ADGRV1: variants seen among roughly 807,000 people sequenced by gnomAD.
ADGRV1 encodes G-protein coupled receptor 98.
In ADGRV1, 359 loss-of-function variants were observed where a neutral mutation model predicts 596.2. The observed-to-expected ratio is 0.60, with a 90% confidence interval of 0.55 to 0.66. ADGRV1 has a LOEUF of 0.66. Among genes scored for constraint, ADGRV1 ranks in the 30% least tolerant of loss-of-function variants. The pLI is 0.00. For synonymous variants in ADGRV1, 2,681 were observed against 2,679.2 expected (o/e 1.00, Z -0.02); for missense variants, 7,274 against 7,575.6 (o/e 0.96, Z 1.48).
chr5:91,161,482 T>C (rs1257162433), intron 89 of ADGRV1, among the ~76,000 whole-genome samples: 2 of 150,266 alleles, frequency 1.3e-5, no homozygotes, highest in African/African-American at 4.9e-5. Flanking sequence ...CAATGTTGCC[T>C]GATCTTCTGG....
chr5:90,768,716 C>A (rs1479912636), intron 59 of ADGRV1, among the ~76,000 whole-genome samples: 2 of 152,184 alleles, frequency 1.3e-5, no homozygotes, highest in East Asian at 3.9e-4. Flanking sequence ...AAGCTCCATA[C>A]TTTGTTTATA....
chr5:91,099,593 A>G (rs1430293388), intron 86 of ADGRV1, among the ~76,000 whole-genome samples: 1 of 152,140 alleles, frequency 6.6e-6, no homozygotes, highest in East Asian at 1.9e-4. Context: ...AGTGGATCGA[A>G]TCAGTAGATA....
chr5:90,653,679 G>T lies in ADGRV1; in HGVS notation c.4105G>T (p.Gly1369Ter), dbSNP rs1364423688. 3 of 1,613,186 alleles carry T rather than the reference G, an allele frequency of 1.9e-6. No homozygotes were observed. Among genetic ancestry groups the T allele is most frequent in the Non-Finnish European group, 2.5e-6 (3 of 1,179,644 alleles). Residue 1369 changes from glycine (G) to a stop codon, truncating the protein, a stop_gained, in exon 20 of 90, where the codon GGA becomes TGA. Coordinates refer to ENST00000405460, the MANE Select transcript of ADGRV1 (RefSeq NM_032119.4). LOFTEE classifies it high-confidence loss of function. The part of the protein sequence containing the change: ...AWVMPNANTN[G>*]FIIAKDDGNG... ...GGTAATGCCCAATGCCAATACGAAT[G>T]GATTCATTATAGCGAAGGATGACGG...
chr5:90,985,499 C>G lies in ADGRV1; in HGVS notation c.18129C>G (p.Ile6043Met). ...KGIYHQSMSQ[I>M]YGLIHGDLCF... The stretch of plus-strand genomic sequence containing the variant: ...TCTATCATCAGAGCATGTCACAGAT[C>G]TATGGACTCATTCATGGTGACCTGT... The change falls in exon 85 of 90, where the codon ATC becomes ATG. Residue 6043 changes from isoleucine (I) to methionine (M), a missense_variant. Physicochemically the swap from Ile to Met is conservative, Grantham distance 10. Transcript: ENST00000405460. 6.2e-7 allele frequency: 1 copy of G among 1,613,742 alleles called. No homozygotes were observed. Among genetic ancestry groups the G allele is most frequent in the Non-Finnish European group, 8.5e-7 (1 of 1,179,690 alleles).
chr5:90,594,057 C>A (rs938292428), intron 1 of ADGRV1, among the ~76,000 whole-genome samples: 2 of 152,028 alleles, frequency 1.3e-5, no homozygotes, highest in East Asian at 3.9e-4. Flanking sequence ...CTGTGTAATA[C>A]GATTTCTTCT....
chr5:90,845,983 C>A (rs1765843555), intron 78 of ADGRV1, among the ~76,000 whole-genome samples: 1 of 152,170 alleles, frequency 6.6e-6, no homozygotes, highest in Admixed American at 6.5e-5. Flanking sequence ...GTGGGTTATT[C>A]TCCACTCTGC....
chr5:91,150,082 C>A lies in ADGRV1; in HGVS notation c.18485C>A (p.Pro6162His), dbSNP rs762127570. Residue 6162 changes from proline to histidine, a missense_variant, in exon 88 of 90, where the codon CCT becomes CAT. Pro to His is a moderately conservative substitution (Grantham distance 77, BLOSUM62 -2). Around this residue, in one of 5 missense-constraint regions of ADGRV1, gnomAD observed 1,874 missense variants for 1,970.2 expected, o/e 0.95. Transcript: ENST00000405460. Reference sequence around the variant, plus strand: ...ATTTTACACAACCAAATGTGTTGCCCTATGAAGGCCAGTTACACTGTGGAA... The same window carrying A: ...ATTTTACACAACCAAATGTGTTGCCATATGAAGGCCAGTTACACTGTGGAA... ...YFILHNQMCC[P>H]MKASYTVEMN... 5 of 1,557,262 alleles carry A rather than the reference C, an allele frequency of 3.2e-6. No homozygotes were observed. The highest frequency in any genetic ancestry group is 3.5e-6 in the Non-Finnish European group (4 of 1,150,816).
intron 83 of ADGRV1, among the ~76,000 whole-genome samples, chr5:90,933,357 G>A (rs1024647830): frequency 2.6e-5 from 4 of 152,176 alleles, no homozygotes; most frequent in Non-Finnish European, 4.4e-5. Context: ...AAATGTATCT[G>A]AGAAGATACT....
chr5:91,091,281 C>T (rs577838693), intron 86 of ADGRV1, among the ~76,000 whole-genome samples: 2 of 152,128 alleles, frequency 1.3e-5, no homozygotes, highest in Non-Finnish European at 2.9e-5. Context: ...TCCTGCAGCC[C>T]AAAAGCAATT....
At chr5:90,735,977 G>A (rs752043941) in intron 50 of ADGRV1, among the ~76,000 whole-genome samples, 3 of 151,914 alleles carry the variant, frequency 2.0e-5, no homozygotes, top group Non-Finnish European at 4.4e-5. Flanking sequence ...TCTTTCTCTC[G>A]CTTAATTGCT....
At chr5:90,615,688 AAAGAG>A (rs1365485338) in intron 2 of ADGRV1, among the ~76,000 whole-genome samples, 2 of 151,968 alleles carry the variant, frequency 1.3e-5, no homozygotes, top group Non-Finnish European at 2.9e-5. Flanking sequence ...AATATTATAA[AAAGAG>A]AAGATGAAGA....
chr5:90,758,896 A>G (rs150329414), intron 57 of ADGRV1, among the ~76,000 whole-genome samples: 35 of 152,296 alleles, frequency 2.3e-4, no homozygotes, highest in African/African-American at 7.7e-4. Flanking sequence ...CTTTTTGACT[A>G]CGTTGCAAGA....
intron 87 of ADGRV1, among the ~76,000 whole-genome samples, chr5:91,126,129 T>A (rs2126771721): frequency 6.6e-6 from 1 of 152,314 alleles, no homozygotes; most frequent in East Asian, 1.9e-4. Context: ...GAAGACCCAC[T>A]CTCTTGGTTC....
At chr5:90,815,973 G>A (rs1379350757) in intron 75 of ADGRV1, among the ~76,000 whole-genome samples, 1 of 152,144 alleles carries the variant, frequency 6.6e-6, no homozygotes, top group Admixed American at 6.6e-5. Flanking sequence ...ATCAGACTAT[G>A]TAGGTCATCA....
chr5:90,570,270 C>T (rs921956734), intron 1 of ADGRV1, among the ~76,000 whole-genome samples: 1 of 152,146 alleles, frequency 6.6e-6, no homozygotes, highest in African/African-American at 2.4e-5. Context: ...GCCTTCTAGC[C>T]TCCTAGGCTA....
intron 13 of ADGRV1, 138 bp downstream of exon 13, chr5:90,643,179 G>A: frequency 2.9e-6 from 2 of 697,620 alleles, no homozygotes; most frequent in Non-Finnish European, 4.4e-6. Context: ...ACATAGATTT[G>A]GAAAATTTTT....
intron 87 of ADGRV1, among the ~76,000 whole-genome samples, chr5:91,108,066 A>G (rs539219548): frequency 9.8e-5 from 15 of 152,338 alleles, no homozygotes; most frequent in African/African-American, 3.6e-4. Flanking sequence ...TATTTGTACT[A>G]CTGTTGGTTG....
chr5:90,581,875 A>G (rs1758107631), intron 1 of ADGRV1, among the ~76,000 whole-genome samples: 2 of 152,272 alleles, frequency 1.3e-5, no homozygotes, highest in South Asian at 4.1e-4. Context: ...GATTTTGGTA[A>G]ATTGTGTCTC....
At chr5:90,799,460 T>C (rs1761114723) in intron 70 of ADGRV1, among the ~76,000 whole-genome samples, 1 of 152,176 alleles carries the variant, frequency 6.6e-6, no homozygotes, top group Non-Finnish European at 1.5e-5. Flanking sequence ...ATTTCCATGC[T>C]CATGGATAGG....
Sources: allele counts gnomAD v4.1 joint callset (sites outside exome capture counted in the v4.1 genomes callset), GRCh38; gene constraint gnomAD v4.1.1; regional missense constraint gnomAD v4.1.1; transcripts MANE v1.5; gene names NCBI Gene and HGNC (gene_info 2026-07-23, HGNC 2026-07-21).